Variants in CCDC141 observed in about 807,000 individuals in gnomAD.
CCDC141 encodes the protein coiled-coil domain-containing protein 141.
A neutral mutation model predicts 181.0 loss-of-function variants in CCDC141; 168 were observed. The ratio of observed to expected loss-of-function variants is 0.93; its 90% CI spans 0.82 to 1.05. CCDC141 has a LOEUF of 1.05. Among genes scored for constraint, CCDC141 ranks in the 50% least tolerant of loss-of-function variants. The pLI is 0.00. For synonymous variants in CCDC141, 666 were observed against 642.3 expected (o/e 1.04, Z -0.56); for missense variants, 1,902 against 1,788.5 (o/e 1.06, Z -1.14).
Position 179,015,238 on chromosome 2 carries a change from A to ACC in CCDC141, c.225+32045_225+32046insGG, listed in dbSNP as rs2042435775. ...TATATCTCATATATACCTCATATAT[A>ACC]TATCTCATATATATCTCATATATAT... is the stretch of plus-strand genomic sequence containing the variant. On this transcript the variant is annotated intron_variant, in intron 2 of 23. Coordinates refer to ENST00000443758, the MANE Select transcript of CCDC141 (RefSeq NM_173648.4). Among the ~76,000 whole-genome samples the ACC allele has an allele frequency of 7.9e-5, 11 of 139,636 alleles. No individual in the cohort carries two copies. The Admixed American group carries it at 8.1e-4, about 10-fold the overall frequency. The allele number at this position is 139,636 out of a possible 152,430, so 91.6% of individuals were successfully genotyped here. A position where few individuals can be genotyped will look rare whatever the true frequency, so the allele number is the denominator to read the frequency against.
At chr2:179,040,447 A>G (rs920346917) in intron 2 of CCDC141, among the ~76,000 whole-genome samples, 1 of 152,210 alleles carries the variant, frequency 6.6e-6, no homozygotes, top group African/African-American at 2.4e-5. Flanking sequence ...AATATGTGCT[A>G]TGGTGGTTTG....
intron 2 of CCDC141, among the ~76,000 whole-genome samples, chr2:179,020,423 T>C (rs2042664061): frequency 6.6e-6 from 1 of 152,138 alleles, no homozygotes; most frequent in South Asian, 2.1e-4. Flanking sequence ...CCTAGAAATA[T>C]ACACCTGATC....
At chr2:178,855,796 A>T (rs1313154643) in intron 18 of CCDC141, among the ~76,000 whole-genome samples, 1 of 152,236 alleles carries the variant, frequency 6.6e-6, no homozygotes, top group Admixed American at 6.5e-5. Context: ...TTTTTTAAAG[A>T]CATTGATGAT....
At chr2:178,941,312 T>C (rs1265221295) in intron 6 of CCDC141, among the ~76,000 whole-genome samples, 1 of 152,210 alleles carries the variant, frequency 6.6e-6, no homozygotes, top group Non-Finnish European at 1.5e-5. Flanking sequence ...CTCCCCCTTG[T>C]GCATATACAC....
At chr2:178,978,849 T>C (rs1046197797) in intron 2 of CCDC141, among the ~76,000 whole-genome samples, 174 bp from the exon 3 acceptor site, 19 of 152,144 alleles carry the variant, frequency 1.2e-4, no homozygotes, top group African/African-American at 4.6e-4. Context: ...GCGATCAGGA[T>C]TGAGGTGAGC....
intron 17 of CCDC141, among the ~76,000 whole-genome samples, chr2:178,861,344 T>C (rs1348511008): frequency 6.6e-6 from 1 of 152,014 alleles, no homozygotes; most frequent in Admixed American, 6.6e-5. Flanking sequence ...TTTTTAAAAA[T>C]TTTTTGTAGG....
chr2:179,027,584 G>T (rs148454430), intron 2 of CCDC141, among the ~76,000 whole-genome samples: 2 of 147,014 alleles, frequency 1.4e-5, no homozygotes, highest in African/African-American at 2.5e-5. Flanking sequence ...GGTGGAGGTC[G>T]CAGTGAGCCA....
chr2:179,011,786 C>T (rs919955216), intron 2 of CCDC141, among the ~76,000 whole-genome samples: 2 of 152,060 alleles, frequency 1.3e-5, no homozygotes, highest in Admixed American at 1.3e-4. Flanking sequence ...TCCCAGACAA[C>T]AGTGGAATAG....
chr2:178,917,338 C>A (rs555016387), intron 7 of CCDC141, among the ~76,000 whole-genome samples: 1 of 152,306 alleles, frequency 6.6e-6, no homozygotes, highest in Non-Finnish European at 1.5e-5. Flanking sequence ...TTAAAGAAAT[C>A]CCAAATGACA....
intron 4 of CCDC141, among the ~76,000 whole-genome samples, chr2:178,969,302 A>C (rs1161251526): frequency 6.6e-6 from 1 of 152,030 alleles, no homozygotes; most frequent in Non-Finnish European, 1.5e-5. Flanking sequence ...ACAACAAAAA[A>C]GAAAATTTTT....
At chr2:179,014,740 G>T (rs1193956735) in intron 2 of CCDC141, among the ~76,000 whole-genome samples, 8 of 151,974 alleles carry the variant, frequency 5.3e-5, no homozygotes, top group Admixed American at 5.2e-4. Context: ...ACTCCTGCAA[G>T]AATGGCCATT....
intron 9 of CCDC141, 70 bp from the exon 10 acceptor site, chr2:178,886,941 G>A (rs1686915322): frequency 2.3e-6 from 2 of 876,934 alleles, no homozygotes; most frequent in Non-Finnish European, 3.1e-6. Context: ...CATGTGTCAG[G>A]AAGATAAATA....
Position 178,885,099 on chromosome 2 carries a change from A to C in CCDC141, c.1528-7T>G. 1 of 1,544,114 alleles carries C rather than the reference A, an allele frequency of 6.5e-7. No homozygotes were observed. Among genetic ancestry groups the C allele is most frequent in the Non-Finnish European group, 8.8e-7 (1 of 1,142,592 alleles). The stretch of plus-strand genomic sequence containing the variant: ...CTAATTCATGTGATGTCTCCTGTAA[A>C]AGCAAAGCACTGGAGGTCAGAAACT... On this transcript the variant is annotated splice_region_variant and splice_polypyrimidine_tract_variant and intron_variant, in intron 10 of 23. Coordinates refer to ENST00000443758, the MANE Select transcript of CCDC141 (RefSeq NM_173648.4).
At chr2:178,939,710 C>T (rs1326439658) in intron 6 of CCDC141, among the ~76,000 whole-genome samples, 1 of 151,900 alleles carries the variant, frequency 6.6e-6, no homozygotes, top group African/African-American at 2.4e-5. Flanking sequence ...GGTCCAGAAT[C>T]TAATCACTGG....
chr2:178,988,624 T>A (rs1691877109), intron 2 of CCDC141, among the ~76,000 whole-genome samples: 1 of 152,176 alleles, frequency 6.6e-6, no homozygotes, highest in African/African-American at 2.4e-5. Flanking sequence ...AAAAATTTTA[T>A]TTCACAGGCT....
At chr2:178,824,401 TC>T in the CCDC141 span, among the ~76,000 whole-genome samples, 1 of 151,962 alleles carries the variant, frequency 6.6e-6, no homozygotes, top group South Asian at 2.1e-4. Flanking sequence ...GGCAGGCGGA[TC>T]ACCTGAGGTC....
chr2:178,955,035 A>G (rs1356893813), intron 5 of CCDC141, among the ~76,000 whole-genome samples: 1 of 152,184 alleles, frequency 6.6e-6, no homozygotes, highest in Non-Finnish European at 1.5e-5. Context: ...CTGTAATCCC[A>G]GCACTTTGGG....
At chr2:178,997,411 G>C (rs770593487) in intron 2 of CCDC141, among the ~76,000 whole-genome samples, 1 of 152,090 alleles carries the variant, frequency 6.6e-6, no homozygotes, top group Non-Finnish European at 1.5e-5. Context: ...GTATGTATCA[G>C]TTAGTCAGCC....
intron 21 of CCDC141, among the ~76,000 whole-genome samples, chr2:178,846,826 A>G (rs976292473): frequency 6.6e-6 from 1 of 152,192 alleles, no homozygotes; most frequent in Non-Finnish European, 1.5e-5. Flanking sequence ...TTTGGAAATC[A>G]CTGGAGATAA....
Sources: allele counts gnomAD v4.1 joint callset (sites outside exome capture counted in the v4.1 genomes callset), GRCh38; gene constraint gnomAD v4.1.1; transcripts MANE v1.5; gene names NCBI Gene and HGNC (gene_info 2026-07-23, HGNC 2026-07-21).